ADORA2B: variants seen among roughly 807,000 people sequenced by gnomAD.
ADORA2B encodes the protein adenosine receptor A2b.
ADORA2B carries 18 observed loss-of-function variants against 20.8 expected under a neutral mutation model. That is an observed-to-expected ratio of 0.87 (90% CI 0.60 to 1.29). ADORA2B has a LOEUF of 1.29. Ranked by LOEUF, ADORA2B falls within the 50% of genes most tolerant of loss-of-function variation. The pLI is 0.00. For synonymous variants in ADORA2B, 179 were observed against 178.3 expected (o/e 1.00, Z -0.03); for missense variants, 441 against 422.7 (o/e 1.04, Z -0.38).
chr17:15,882,674 C>T, the ADORA2B span, among the ~76,000 whole-genome samples: 3 of 151,628 alleles, frequency 2.0e-5, no homozygotes, highest in African/African-American at 7.3e-5. Flanking sequence ...TGCCCATTTA[C>T]ACTTTTTTCC....
At chr17:15,914,611 C>A in the ADORA2B span, among the ~76,000 whole-genome samples, 3 of 152,240 alleles carry the variant, frequency 2.0e-5, no homozygotes, top group Non-Finnish European at 4.4e-5. Context: ...AGCCTCAGCT[C>A]CTGTGGGTCA....
the ADORA2B span, among the ~76,000 whole-genome samples, chr17:15,927,193 A>T: frequency 6.6e-6 from 1 of 152,058 alleles, no homozygotes; most frequent in Non-Finnish European, 1.5e-5. Context: ...CTAAAAATAC[A>T]AAAAATTAGG....
the ADORA2B span, among the ~76,000 whole-genome samples, chr17:15,896,219 A>G: frequency 2.0e-5 from 3 of 152,350 alleles, no homozygotes; most frequent in East Asian, 5.8e-4. Flanking sequence ...TTGAGAAATT[A>G]TCTACTCGAG....
intron 1 of ADORA2B, among the ~76,000 whole-genome samples, chr17:15,965,900 C>T (rs1385839355): frequency 6.6e-6 from 1 of 152,204 alleles, no homozygotes; most frequent in Non-Finnish European, 1.5e-5. Context: ...TTAAAGTTTG[C>T]CAGGCTTTCT....
the ADORA2B span, among the ~76,000 whole-genome samples, chr17:15,855,565 G>A: frequency 1.3e-5 from 2 of 151,214 alleles, no homozygotes; most frequent in African/African-American, 4.9e-5. Context: ...ACTCTCACCT[G>A]CATTCTGAAA....
rs1311881011 is a variant in ADORA2B, at chr17:15,974,820, T to C, written c.477T>C (p.Asp159=). 6.2e-7 allele frequency: 1 copy of C among 1,614,196 alleles called. No homozygotes were observed. Among genetic ancestry groups the C allele is most frequent in the South Asian group, 1.1e-5 (1 of 91,080 alleles). The change falls in exon 2 of 2, where the codon GAT becomes GAC. Residue 159 remains aspartate (D), a synonymous_variant. Transcript: ENST00000304222. ...CCAACAACTGCACAGAACCCTGGGA[T>C]GGAACCACGAATGAAAGCTGCTGCC... The part of the protein sequence containing the change: ...SATNNCTEPW[D]GTTNESCCLV...
chr17:15,975,202 C>T lies in ADORA2B; in HGVS notation c.859C>T (p.Pro287Ser). 2 of 1,614,140 alleles carry T rather than the reference C, an allele frequency of 1.2e-6. No homozygotes were observed. The highest frequency in any genetic ancestry group is 1.7e-6 in the Non-Finnish European group (2 of 1,180,054). The change falls in exon 2 of 2, where the codon CCC becomes TCC. Residue 287 changes from proline (P) to serine (S), a missense_variant. Transcript: ENST00000304222. ...GTCACATGCCAATTCAGTTGTCAAT[C>T]CCATTGTCTATGCTTACCGGAACCG... The part of the protein sequence containing the change: ...LLSHANSVVN[P>S]IVYAYRNRDF...
the ADORA2B span, among the ~76,000 whole-genome samples, chr17:15,899,668 G>A: frequency 3.3e-5 from 5 of 151,952 alleles, no homozygotes; most frequent in Non-Finnish European, 5.9e-5. Flanking sequence ...AGTGTTTAGC[G>A]TCCTCTTGTA....
chr17:15,947,455 G>T (rs946414382), intron 1 of ADORA2B, among the ~76,000 whole-genome samples: 15 of 152,242 alleles, frequency 9.9e-5, no homozygotes, highest in Non-Finnish European at 2.2e-4. Context: ...AAAAAAATGG[G>T]TGTGGGTGTG....
the ADORA2B span, among the ~76,000 whole-genome samples, chr17:15,892,431 AG>A: frequency 9.5e-4 from 145 of 151,868 alleles, no homozygotes; most frequent in Non-Finnish European, 1.7e-3. Context: ...GGCCTTCCAA[AG>A]TGCTGGGATT....
chr17:15,933,009 G>A, the ADORA2B span, among the ~76,000 whole-genome samples: 1 of 146,196 alleles, frequency 6.8e-6, no homozygotes, highest in Admixed American at 7.0e-5. Context: ...AGGCTGGAGT[G>A]CAGTGGCACC....
the ADORA2B span, among the ~76,000 whole-genome samples, chr17:15,894,701 G>A: frequency 6.6e-6 from 1 of 152,158 alleles, no homozygotes; most frequent in Admixed American, 6.5e-5. Context: ...AGGAGGAGAG[G>A]AAGAAGTCAA....
chr17:15,975,046 T>C lies in ADORA2B; in HGVS notation c.703T>C (p.Ser235Pro), dbSNP rs1970235619. The change falls in exon 2 of 2, where the codon TCA becomes CCA. Residue 235 changes from serine to proline, a missense_variant. By Grantham distance (74) the Ser-to-Pro change is moderately conservative. Transcript: ENST00000304222. ...TLQREIHAAKSLAMIVGIFAL... is the reference protein window; with the variant it reads ...TLQREIHAAKPLAMIVGIFAL... ...CCAGCGGGAGATCCATGCAGCCAAGTCACTGGCCATGATTGTGGGGATTTT... is the reference window on the plus strand; with the variant it reads ...CCAGCGGGAGATCCATGCAGCCAAGCCACTGGCCATGATTGTGGGGATTTT... 4 of 1,614,190 alleles carry C rather than the reference T, an allele frequency of 2.5e-6. No individual in the cohort carries two copies. The highest frequency in any genetic ancestry group is 3.4e-6 in the Non-Finnish European group (4 of 1,180,022).
the ADORA2B span, among the ~76,000 whole-genome samples, chr17:15,863,278 T>C: frequency 6.6e-6 from 1 of 152,188 alleles, no homozygotes; most frequent in Non-Finnish European, 1.5e-5. Context: ...TACATTTATC[T>C]CATTGAGATA....
chr17:15,924,955 C>A, the ADORA2B span, among the ~76,000 whole-genome samples: 2 of 151,702 alleles, frequency 1.3e-5, no homozygotes, highest in Non-Finnish European at 2.9e-5. Flanking sequence ...GTTCACTGTA[C>A]CCTTAACTTC....
chr17:15,902,173 A>C, the ADORA2B span, among the ~76,000 whole-genome samples: 1 of 150,488 alleles, frequency 6.6e-6, no homozygotes, highest in East Asian at 1.9e-4. Flanking sequence ...AATGTTTTCA[A>C]AGTTCATCCA....
the ADORA2B span, among the ~76,000 whole-genome samples, chr17:15,887,951 C>CAAAAAAAAAAA: frequency 1.8e-4 from 4 of 22,230 alleles, no homozygotes; most frequent in Admixed American, 5.7e-4. Context: ...AAGACTCCAT[C>CAAAAAAAAAAA]AAAAAAAAAA....
chr17:15,892,331 C>CT, the ADORA2B span, among the ~76,000 whole-genome samples: 6 of 152,068 alleles, frequency 3.9e-5, no homozygotes, highest in African/African-American at 1.4e-4. Context: ...CCACGCCTGA[C>CT]TAATTTTTGT....
At chr17:15,867,202 G>A in the ADORA2B span, among the ~76,000 whole-genome samples, 2 of 151,738 alleles carry the variant, frequency 1.3e-5, no homozygotes, top group African/African-American at 4.8e-5. Context: ...CTGCCCGGCC[G>A]CCACCCCGTC....
Sources: allele counts gnomAD v4.1 joint callset (sites outside exome capture counted in the v4.1 genomes callset), GRCh38; gene constraint gnomAD v4.1.1; transcripts MANE v1.5; gene names NCBI Gene and HGNC (gene_info 2026-07-23, HGNC 2026-07-21).